CDH23: variants seen among roughly 807,000 people sequenced by gnomAD.
CDH23 encodes the protein cadherin related 23.
A neutral mutation model predicts 317.1 loss-of-function variants in CDH23; 189 were observed. That is an observed-to-expected ratio of 0.60 (90% CI 0.53 to 0.67). The LOEUF is 0.67. Among genes scored for constraint, CDH23 ranks in the 30% least tolerant of loss-of-function variants. The pLI, the probability that CDH23 is intolerant of heterozygous loss-of-function variation, is 0.00. For missense variants in CDH23, 4,401 were observed against 4,592.4 expected, an observed-to-expected ratio of 0.96 and a Z score of 1.20; for synonymous variants, 1,839 against 1,876.8, an observed-to-expected ratio of 0.98 and a Z score of 0.52.
At chr10:71,784,079 G>A (rs141816984) in intron 41 of CDH23, among the ~76,000 whole-genome samples, 9 of 152,194 alleles carry the variant, frequency 5.9e-5, no homozygotes, top group African/African-American at 1.2e-4. Flanking sequence ...GCCTGCACCC[G>A]TGGTGGTGAT....
chr10:71,790,542 C>G, intron 46 of CDH23, 129 bp downstream of exon 46: 1 of 1,216,690 alleles, frequency 8.2e-7, no homozygotes, highest in Non-Finnish European at 1.1e-6. Context: ...TTTTCACAGC[C>G]CAGAGTCCCC....
intron 9 of CDH23, among the ~76,000 whole-genome samples, chr10:71,601,968 G>A (rs951565753): frequency 1.3e-5 from 2 of 151,218 alleles, no homozygotes; most frequent in East Asian, 2.0e-4. Flanking sequence ...CGGAGGGGGG[G>A]GGGCTCTGCA....
intron 3 of CDH23, among the ~76,000 whole-genome samples, chr10:71,469,815 G>A (rs536446117): frequency 6.6e-6 from 1 of 152,250 alleles, no homozygotes; most frequent in East Asian, 1.9e-4. Context: ...ATGTTGGCGA[G>A]GCTGGTCTCA....
At chr10:71,482,192 C>T (rs576836422) in intron 3 of CDH23, among the ~76,000 whole-genome samples, 25 of 152,322 alleles carry the variant, frequency 1.6e-4, no homozygotes, top group Middle Eastern at 3.4e-3. Flanking sequence ...TCTGCCTTCC[C>T]TCTCTTTCTT....
At chr10:71,802,395 A>G (rs1363097013) in intron 53 of CDH23, among the ~76,000 whole-genome samples, 2 of 152,208 alleles carry the variant, frequency 1.3e-5, no homozygotes, top group Non-Finnish European at 2.9e-5. Flanking sequence ...CAAAGGTCCC[A>G]TGGTTTGCTG....
At chr10:71,694,330 T>A in intron 21 of CDH23, 71 bp downstream of exon 21, 1 of 1,156,524 alleles carries the variant, frequency 8.6e-7, no homozygotes, top group Non-Finnish European at 1.3e-6. Flanking sequence ...CTTGTACCTC[T>A]GGACCCCCGT....
At chr10:71,761,559 T>C in intron 38 of CDH23, 4 of 1,518,672 alleles carry the variant, frequency 2.6e-6, no homozygotes, top group Non-Finnish European at 3.5e-6. Context: ...CAGGCAGCCC[T>C]CCACACACGC....
chr10:71,677,461 C>G lies in CDH23; in HGVS notation c.1520C>G (p.Ser507Trp). The change falls in exon 16 of 70, where the codon TCG (serine) becomes TGG (tryptophan). Residue 507 changes from serine (S) to tryptophan (W), a missense_variant. By Grantham distance (177) the Ser-to-Trp change is radical. Transcript: ENST00000224721. ...YFFSDDPDRFSLDKDTGLIML... is the reference protein window; with the variant it reads ...YFFSDDPDRFWLDKDTGLIML... ...ATCCTCTCGGCCTGGCACAGGTTCT[C>G]GCTGGACAAGGACACGGGACTCATC... 6.2e-7 allele frequency: 1 copy of G among 1,604,878 alleles called. No homozygotes were observed. The highest frequency in any genetic ancestry group is 1.7e-5 in the Admixed American group (1 of 59,256).
At chr10:71,491,420 C>A (rs185693733) in intron 3 of CDH23, among the ~76,000 whole-genome samples, 2 of 152,324 alleles carry the variant, frequency 1.3e-5, no homozygotes, top group East Asian at 3.9e-4. Context: ...CAGCCTTGGG[C>A]ACACTGTCGA....
intron 9 of CDH23, among the ~76,000 whole-genome samples, chr10:71,614,988 T>A (rs753442391): frequency 6.6e-6 from 1 of 152,202 alleles, no homozygotes; most frequent in Non-Finnish European, 1.5e-5. Context: ...TTAATTTACA[T>A]TTTTTGTAAA....
At chr10:71,458,411 G>A (rs143012265) in intron 3 of CDH23, among the ~76,000 whole-genome samples, 10 of 152,322 alleles carry the variant, frequency 6.6e-5, no homozygotes, top group East Asian at 3.9e-4. Flanking sequence ...ACTTATTAGC[G>A]TGTGACCACA....
At chr10:71,600,063 T>G (rs1860117731) in intron 9 of CDH23, among the ~76,000 whole-genome samples, 1 of 146,826 alleles carries the variant, frequency 6.8e-6, no homozygotes, top group Non-Finnish European at 1.5e-5. Flanking sequence ...AGTGCAATGA[T>G]GCGATCTCGG....
rs57652121 is a variant in CDH23 at position 71,530,034 on chromosome 10, GAC to G, written c.429+18857_429+18858del. 4.6e-3 allele frequency among the ~76,000 whole-genome samples: 651 copies of G among 140,766 alleles called. 3 individuals carry two copies. Among genetic ancestry groups the G allele is most frequent in the Middle Eastern group, 0.021 (6 of 284 alleles). The allele number at this position is 140,766 out of a possible 152,430, so 92.3% of individuals were successfully genotyped here. On this transcript the variant is annotated intron_variant, in intron 6 of 69. Transcript: ENST00000224721. Reference sequence around the variant, plus strand: ...GCATTTGCACACATACACACATACAGACACACACACACACACACACACACACA... The same window carrying G: ...GCATTTGCACACATACACACATACAGACACACACACACACACACACACACA...
chr10:71,629,538 A>C (rs1861906187), intron 11 of CDH23, among the ~76,000 whole-genome samples: 1 of 152,252 alleles, frequency 6.6e-6, no homozygotes, highest in African/African-American at 2.4e-5. Context: ...GGAAGCAGGC[A>C]GGCAGTGATG....
At chr10:71,471,004 C>T (rs926234972) in intron 3 of CDH23, among the ~76,000 whole-genome samples, 1 of 152,112 alleles carries the variant, frequency 6.6e-6, no homozygotes, top group South Asian at 2.1e-4. Context: ...TTTGAGGGTT[C>T]CTTATATACA....
At chr10:71,582,261 G>A (rs1416110149) in intron 9 of CDH23, among the ~76,000 whole-genome samples, 1 of 152,190 alleles carries the variant, frequency 6.6e-6, no homozygotes, top group East Asian at 1.9e-4. Context: ...TTGCCCACAA[G>A]CCCATGTAGC....
At chr10:71,792,391 A>G (rs1428566872) in intron 47 of CDH23, among the ~76,000 whole-genome samples, 2 of 152,210 alleles carry the variant, frequency 1.3e-5, no homozygotes, top group Non-Finnish European at 2.9e-5. Context: ...TGAATAACTC[A>G]TTTCTGGGTA....
intron 6 of CDH23, among the ~76,000 whole-genome samples, chr10:71,565,917 A>G (rs1449901171): frequency 6.6e-6 from 1 of 152,228 alleles, no homozygotes; most frequent in Non-Finnish European, 1.5e-5. Flanking sequence ...GGAGGGAATG[A>G]GCATCTTCCA....
intron 55 of CDH23, among the ~76,000 whole-genome samples, 155 bp from the exon 56 acceptor site, chr10:71,805,651 G>C (rs1841690228): frequency 1.3e-5 from 2 of 152,240 alleles, no homozygotes; most frequent in South Asian, 4.1e-4. Flanking sequence ...CAGAATCCAG[G>C]AGAATCCAGC....
Sources: gnomAD v4.1 joint callset for allele counts (sites outside exome capture counted in the v4.1 genomes callset) on GRCh38, gnomAD v4.1.1 for gene constraint, MANE v1.5 for transcripts, NCBI Gene and HGNC (gene_info 2026-07-23, HGNC 2026-07-21) for gene names.